The following HECW1 variants were observed in gnomAD, a reference collection of about 807,000 sequenced individuals.
HECW1 encodes the protein E3 ubiquitin-protein ligase HECW1.
A neutral mutation model predicts 182.3 loss-of-function variants in HECW1; 61 were observed. That is an observed-to-expected ratio of 0.33 (90% CI 0.27 to 0.41). The LOEUF (loss-of-function observed/expected upper bound fraction) is 0.41, where lower values mean the gene tolerates loss of function less well. Among genes scored for constraint, HECW1 ranks in the 10% least tolerant of loss-of-function variants. The pLI is 1.00. For synonymous variants in HECW1, 859 were observed against 832.6 expected, an observed-to-expected ratio of 1.03 and a Z score of -0.55; for missense variants, 1,739 against 2,108.9, an observed-to-expected ratio of 0.82 and a Z score of 3.44.
At chr7:43,278,416 C>T (rs950122592) in intron 3 of HECW1, among the ~76,000 whole-genome samples, 3 of 152,098 alleles carry the variant, frequency 2.0e-5, no homozygotes, top group Admixed American at 6.5e-5. Flanking sequence ...TTCTAGCAAG[C>T]GGCAGCTCCC....
rs529484716 is a variant in HECW1, at chr7:43,274,481, C to T, written c.27+30549C>T. Reference sequence around the variant, plus strand: ...CTGACCACCATGGGCCGGCACCGCACCCAGGCCCACTGCATCCAGATCATG... The same window carrying T: ...CTGACCACCATGGGCCGGCACCGCATCCAGGCCCACTGCATCCAGATCATG... On this transcript the variant is annotated intron_variant, in intron 3 of 29. Transcript: ENST00000395891. 1.5e-4 allele frequency: 95 copies of T among 622,204 alleles called. No homozygotes were observed. In the Middle Eastern group the frequency reaches 1.8e-3, roughly 12 times the overall value. 38.5% of individuals were successfully genotyped at this position (622,204 alleles called of 1,614,324 possible). A position where few individuals can be genotyped will look rare whatever the true frequency, so the allele number is the denominator to read the frequency against.
rs1485081960 is a variant in HECW1 at position 43,127,897 on chromosome 7, A to T, written c.-32+13506A>T. Among the ~76,000 whole-genome samples the T allele has an allele frequency of 2.6e-5, 4 of 151,716 alleles. No individual in the cohort carries two copies. In the East Asian group the frequency reaches 7.7e-4, roughly 29 times the overall value. On this transcript the variant is annotated intron_variant, in intron 2 of 29. Coordinates refer to ENST00000395891, the MANE Select transcript of HECW1 (RefSeq NM_015052.5). Reference sequence around the variant, plus strand: ...AATTGATTTTCCTTTTTTTTTTTTAAAGACAAGGTCTTGCTCTGTCACTCA... The same window carrying T: ...AATTGATTTTCCTTTTTTTTTTTTATAGACAAGGTCTTGCTCTGTCACTCA...
chr7:43,389,941 T>A (rs1287144575), intron 6 of HECW1, among the ~76,000 whole-genome samples: 1 of 152,188 alleles, frequency 6.6e-6, no homozygotes, highest in Non-Finnish European at 1.5e-5. Context: ...CCCCTCATTA[T>A]TTTTAGTAAG....
intron 2 of HECW1, among the ~76,000 whole-genome samples, chr7:43,172,344 T>G (rs1791777916): frequency 6.6e-6 from 1 of 151,822 alleles, no homozygotes; most frequent in African/African-American, 2.4e-5. Context: ...GTATTTTCAC[T>G]ATGGAAAAAA....
intron 5 of HECW1, among the ~76,000 whole-genome samples, chr7:43,349,415 T>C (rs1244386881): frequency 6.6e-6 from 1 of 152,220 alleles, no homozygotes; most frequent in Non-Finnish European, 1.5e-5. Context: ...CTTTGTTGAC[T>C]TCCTGTCTTA....
chr7:43,505,031 G>T (rs1178288670), intron 21 of HECW1, among the ~76,000 whole-genome samples: 1 of 151,980 alleles, frequency 6.6e-6, no homozygotes, highest in East Asian at 1.9e-4. Flanking sequence ...TTTCCTTCTG[G>T]GACACCACTC....
At chr7:43,500,913 C>T in intron 20 of HECW1, 131 bp downstream of exon 20, 1 of 765,248 alleles carries the variant, frequency 1.3e-6, no homozygotes, top group South Asian at 1.5e-5. Context: ...AACTGCAACG[C>T]AAGTGGGACC....
intron 11 of HECW1, among the ~76,000 whole-genome samples, chr7:43,448,504 A>G (rs183934712): frequency 5.3e-4 from 80 of 152,194 alleles, no homozygotes; most frequent in Non-Finnish European, 7.9e-4. Context: ...TCATGTGCAA[A>G]ATGGGTATAA....
chr7:43,536,572 C>A (rs970791112), intron 24 of HECW1, among the ~76,000 whole-genome samples: 1 of 152,200 alleles, frequency 6.6e-6, no homozygotes, highest in Non-Finnish European at 1.5e-5. Flanking sequence ...GGGCACCCAT[C>A]GTTGGAACTT....
chr7:43,428,747 C>T (rs1448458432), intron 8 of HECW1, among the ~76,000 whole-genome samples: 1 of 152,176 alleles, frequency 6.6e-6, no homozygotes, highest in Non-Finnish European at 1.5e-5. Context: ...GTTCTGGGCA[C>T]TCTAAAGTAG....
intron 9 of HECW1, 160 bp downstream of exon 9, chr7:43,438,305 T>TA (rs1410717450): frequency 2.7e-5 from 16 of 590,138 alleles, no homozygotes; most frequent in Non-Finnish European, 4.3e-5. Flanking sequence ...TGAGCCAACA[T>TA]AAGTGTTTGT....
Position 43,404,362 on chromosome 7 carries a change from A to G in HECW1, c.632-3200A>G, listed in dbSNP as rs1295348715. 5.3e-5 allele frequency among the ~76,000 whole-genome samples: 8 copies of G among 152,212 alleles called. No homozygotes were observed. In the South Asian group the frequency reaches 1.7e-3, roughly 32 times the overall value. Reference sequence around the variant, plus strand: ...TTTTCTAAAGCTACTAATTCTCCCAAAGCTAAGATATAAATTCAATGCAGT... The same window carrying G: ...TTTTCTAAAGCTACTAATTCTCCCAGAGCTAAGATATAAATTCAATGCAGT... On this transcript the variant is annotated intron_variant, in intron 7 of 29. Transcript: ENST00000395891.
intron 11 of HECW1, among the ~76,000 whole-genome samples, chr7:43,446,621 C>T (rs985448703): frequency 1.3e-4 from 19 of 147,478 alleles, no homozygotes; most frequent in Non-Finnish European, 3.1e-5. Context: ...CTGGTGCCTA[C>T]AAATTTTTTT....
chr7:43,449,980 T>A (rs766913027), intron 11 of HECW1, among the ~76,000 whole-genome samples: 16 of 152,226 alleles, frequency 1.1e-4, no homozygotes, highest in Non-Finnish European at 2.2e-4. Context: ...CAGTATAAGC[T>A]ATGTCTGTTG....
At chr7:43,545,818 G>A (rs376336459) in intron 26 of HECW1, among the ~76,000 whole-genome samples, 5 of 137,104 alleles carry the variant, frequency 3.6e-5, no homozygotes, top group East Asian at 2.2e-4. Flanking sequence ...TTGTTGTCTC[G>A]GGGTGGAGGA....
rs527533074 is a variant in HECW1, at chr7:43,564,604, C to T, written c.*2678C>T. The stretch of plus-strand genomic sequence containing the variant: ...ATTTCATGAAGAAATGCTGATGTCA[C>T]GGTCACCTGAAAGAAGATGAAGCTT... On this transcript the variant is annotated 3_prime_UTR_variant, in exon 30 of 30. Transcript: ENST00000395891. 10 of 183,402 alleles carry T rather than the reference C, an allele frequency of 5.5e-5. No homozygotes were observed. Among genetic ancestry groups the T allele is most frequent in the East Asian group, 1.8e-4 (2 of 11,102 alleles). The allele number at this position is 183,402 out of a possible 1,614,324, so 11.4% of individuals were successfully genotyped here.
chr7:43,469,048 A>T lies in HECW1; in HGVS notation c.3042A>T (p.Ala1014=). The T allele has an allele frequency of 6.2e-7, 1 of 1,614,186 alleles. No homozygotes were observed. Among genetic ancestry groups the T allele is most frequent in the Non-Finnish European group, 8.5e-7 (1 of 1,180,028 alleles). ...RDLVNFINMF[A]DTRLELPRGW... ...TGGTGAATTTCATCAACATGTTCGC[A>T]GACACTCGGCTGGAACTGCCCCGGG... The change falls in exon 16 of 30, where the codon GCA becomes GCT. Residue 1014 remains alanine (A), a synonymous_variant. Transcript: ENST00000395891.
chr7:43,125,427 A>G (rs367686681), intron 2 of HECW1, among the ~76,000 whole-genome samples: 133 of 152,176 alleles, frequency 8.7e-4, no homozygotes, highest in African/African-American at 2.8e-3. Flanking sequence ...ATTCAATAAC[A>G]ATATATATTT....
rs376544006 is a variant in HECW1 at position 43,233,266 on chromosome 7, TC to T, written c.-31-10608del. 1.2e-3 allele frequency among the ~76,000 whole-genome samples: 177 copies of T among 152,358 alleles called. 1 individual carries two copies. The highest frequency in any genetic ancestry group is 4.0e-3 in the African/African-American group (167 of 41,586). ...TGCCTCATTAGCCCTCCATATCCTA[TC>T]ACCAACTAACATAATTTATTTAGTC... On this transcript the variant is annotated intron_variant, in intron 2 of 29. Coordinates refer to ENST00000395891, the MANE Select transcript of HECW1 (RefSeq NM_015052.5).
Sources: allele counts gnomAD v4.1 joint callset (sites outside exome capture counted in the v4.1 genomes callset), GRCh38; gene constraint gnomAD v4.1.1; transcripts MANE v1.5; gene names NCBI Gene and HGNC (gene_info 2026-07-23, HGNC 2026-07-21).